NALF1: variants seen among roughly 807,000 people sequenced by gnomAD.
The protein encoded by NALF1 is family with sequence similarity 155 member A.
In NALF1, 3 loss-of-function variants were observed where a neutral mutation model predicts 48.4. That is an observed-to-expected ratio of 0.06 (90% CI 0.03 to 0.16). NALF1 has a LOEUF of 0.16. NALF1 is among the 10% of genes least tolerant of loss of function. The probability of loss-of-function intolerance (pLI) is 1.00; values close to 1 mark genes in which losing one functional copy is unlikely to be tolerated. For synonymous variants in NALF1, 262 were observed against 245.7 expected, an observed-to-expected ratio of 1.07 and a Z score of -0.62; for missense variants, 526 against 571.5, an observed-to-expected ratio of 0.92 and a Z score of 0.81.
At chr13:107,607,609 T>C (rs1041456402) in intron 1 of NALF1, among the ~76,000 whole-genome samples, 4 of 152,094 alleles carry the variant, frequency 2.6e-5, no homozygotes, top group African/African-American at 9.7e-5. Flanking sequence ...GACACCCACT[T>C]AGGAAGCCCT....
intron 2 of NALF1, among the ~76,000 whole-genome samples, chr13:107,195,695 C>G (rs1041068536): frequency 3.9e-5 from 6 of 152,110 alleles, no homozygotes; most frequent in African/African-American, 1.4e-4. Context: ...GAATAGAAAA[C>G]TAATACAATC....
chr13:107,492,811 G>A (rs1319609397), intron 1 of NALF1, among the ~76,000 whole-genome samples: 3 of 152,120 alleles, frequency 2.0e-5, no homozygotes, highest in East Asian at 3.9e-4. Context: ...CATAAAACTG[G>A]TTCAATCAGA....
chr13:107,570,920 G>GA (rs1185169420), intron 1 of NALF1, among the ~76,000 whole-genome samples: 2 of 151,848 alleles, frequency 1.3e-5, no homozygotes, highest in Non-Finnish European at 2.9e-5. Flanking sequence ...TGTTAGACAT[G>GA]AAAAAAAGAT....
chr13:107,543,347 A>G (rs557975683), intron 1 of NALF1, among the ~76,000 whole-genome samples: 2 of 152,166 alleles, frequency 1.3e-5, no homozygotes, highest in South Asian at 2.1e-4. Context: ...CAAAAAAACC[A>G]CATGTCATGA....
chr13:107,497,772 C>T (rs576391017), intron 1 of NALF1, among the ~76,000 whole-genome samples: 35 of 152,260 alleles, frequency 2.3e-4, no homozygotes, highest in African/African-American at 7.7e-4. Context: ...AGCCCTGCCT[C>T]GTGTAACTTC....
rs547729439 is a variant in NALF1 at position 107,276,065 on chromosome 13, A to G, written c.916-65310T>C. Among the ~76,000 whole-genome samples, 793 of 152,196 alleles carry G rather than the reference A, an allele frequency of 5.2e-3. 3 individuals carry two copies. Among genetic ancestry groups the G allele is most frequent in the Middle Eastern group, 0.01 (3 of 294 alleles). On this transcript the variant is annotated intron_variant, in intron 1 of 2. Transcript: ENST00000375915. ...CATGACGGATCCAAGAGAAAGACCA[A>G]CTGGGAGCCACTACCTGTTACTCTC...
At chr13:107,219,649 A>C (rs2138813899) in intron 1 of NALF1, among the ~76,000 whole-genome samples, 1 of 152,346 alleles carries the variant, frequency 6.6e-6, no homozygotes, top group African/African-American at 2.4e-5. Context: ...TATCTTCCAT[A>C]ATCTACAATC....
chr13:107,479,805 TGTA>T (rs1425535064), intron 1 of NALF1, among the ~76,000 whole-genome samples: 2 of 152,180 alleles, frequency 1.3e-5, no homozygotes, highest in African/African-American at 4.8e-5. Flanking sequence ...GAAATTTGCC[TGTA>T]TAACTTTTTA....
At chr13:107,200,582 G>T (rs1879492058) in intron 2 of NALF1, among the ~76,000 whole-genome samples, 2 of 152,192 alleles carry the variant, frequency 1.3e-5, no homozygotes, top group African/African-American at 4.8e-5. Flanking sequence ...TGTGGTAAAT[G>T]ATACAGCAAC....
At chr13:107,524,774 T>A (rs2139100233) in intron 1 of NALF1, among the ~76,000 whole-genome samples, 1 of 152,216 alleles carries the variant, frequency 6.6e-6, no homozygotes, top group East Asian at 1.9e-4. Context: ...TTTCAGGAAC[T>A]CAAAACCTTG....
In NALF1 at chr13:107,840,388, G is replaced by A. The variant is rs564342006; in HGVS notation, c.915+25294C>T. Among the ~76,000 whole-genome samples, 7 of 152,292 alleles carry A rather than the reference G, an allele frequency of 4.6e-5. No homozygotes were observed. The South Asian group carries it at 1.5e-3, about 32-fold the overall frequency. ...CAGTAGGTGGTCCATATTGGTTTAG[G>A]AGACCCAGATATTCATCAGGTCCCC... On this transcript the variant is annotated intron_variant, in intron 1 of 2. Transcript: ENST00000375915.
chr13:107,319,227 G>T (rs1052989778), intron 1 of NALF1, among the ~76,000 whole-genome samples: 3 of 152,096 alleles, frequency 2.0e-5, no homozygotes, highest in Non-Finnish European at 4.4e-5. Flanking sequence ...GGGCGTTAGT[G>T]ATAAAATGAT....
At chr13:107,275,034 G>T (rs929001739) in intron 1 of NALF1, among the ~76,000 whole-genome samples, 3 of 152,168 alleles carry the variant, frequency 2.0e-5, no homozygotes, top group Admixed American at 1.3e-4. Context: ...ATGGATTAGT[G>T]TAAGGTGCCC....
At chr13:107,634,332 G>A (rs557464240) in intron 1 of NALF1, among the ~76,000 whole-genome samples, 104 of 152,140 alleles carry the variant, frequency 6.8e-4, no homozygotes, top group Non-Finnish European at 1.3e-3. Flanking sequence ...ATGTTACACT[G>A]GTGATGGATA....
intron 1 of NALF1, among the ~76,000 whole-genome samples, chr13:107,849,032 T>C (rs1029300963): frequency 6.6e-6 from 1 of 152,174 alleles, no homozygotes; most frequent in Non-Finnish European, 1.5e-5. Flanking sequence ...CACCCCAAAA[T>C]GTAGTTTACA....
At chr13:107,711,608 CCAGT>C (rs1875594698) in intron 1 of NALF1, among the ~76,000 whole-genome samples, 1 of 152,200 alleles carries the variant, frequency 6.6e-6, no homozygotes, top group Non-Finnish European at 1.5e-5. Flanking sequence ...AAAGGAAGAA[CCAGT>C]CAGTTATATA....
chr13:107,500,211 T>G (rs1180788593), intron 1 of NALF1, among the ~76,000 whole-genome samples: 2 of 152,216 alleles, frequency 1.3e-5, no homozygotes, highest in Non-Finnish European at 2.9e-5. Context: ...CACATCATTT[T>G]ATACCTTAGT....
At position 107,169,245 on chromosome 13, in the gene NALF1, G is replaced by T. The variant is rs896680091; in HGVS notation, c.*1252C>A. ...TTTTTAAAAAAGAAGTTGTTCCTCT[G>T]TGATAATGCAGAATTGCATACACTG... On this transcript the variant is annotated 3_prime_UTR_variant, in exon 3 of 3. Transcript: ENST00000375915. 1.3e-5 allele frequency: 2 copies of T among 152,196 alleles called. No individual in the cohort carries two copies. Among genetic ancestry groups the T allele is most frequent in the African/African-American group, 4.8e-5 (2 of 41,424 alleles). The allele number at this position is 152,196 out of a possible 1,614,324, so 9.4% of individuals were successfully genotyped here.
At chr13:107,811,511 T>C (rs1280198038) in intron 1 of NALF1, among the ~76,000 whole-genome samples, 2 of 152,228 alleles carry the variant, frequency 1.3e-5, no homozygotes, top group Non-Finnish European at 2.9e-5. Context: ...TATTAAATTA[T>C]GAGCTCACAG....
Sources: gnomAD v4.1 joint callset for allele counts (sites outside exome capture counted in the v4.1 genomes callset) on GRCh38, gnomAD v4.1.1 for gene constraint, MANE v1.5 for transcripts, NCBI Gene and HGNC (gene_info 2026-07-23, HGNC 2026-07-21) for gene names.